The following SCMH1 variants were observed in gnomAD, a reference collection of about 807,000 sequenced individuals.
The protein encoded by SCMH1 is Scm polycomb group protein homolog 1.
A neutral mutation model predicts 70.8 loss-of-function variants in SCMH1; 37 were observed. The observed-to-expected ratio is 0.52, with a 90% CI of 0.40 to 0.69. The LOEUF (loss-of-function observed/expected upper bound fraction) is 0.69, where lower values mean the gene tolerates loss of function less well. Among genes scored for constraint, SCMH1 ranks in the 30% least tolerant of loss-of-function variants. The probability of loss-of-function intolerance (pLI) is 0.00; values close to 1 mark genes in which losing one functional copy is unlikely to be tolerated. For synonymous variants in SCMH1, 292 were observed against 307.4 expected, an observed-to-expected ratio of 0.95 and a Z score of 0.52; for missense variants, 607 against 827.3, an observed-to-expected ratio of 0.73 and a Z score of 3.27.
chr1:41,031,933 C>T (rs1292032050), intron 13 of SCMH1, among the ~76,000 whole-genome samples: 1 of 152,180 alleles, frequency 6.6e-6, no homozygotes, highest in Non-Finnish European at 1.5e-5. Flanking sequence ...TCCCTACCCA[C>T]ATGATAATAT....
chr1:41,101,874 T>C (rs1196495841), intron 8 of SCMH1, among the ~76,000 whole-genome samples: 3 of 152,240 alleles, frequency 2.0e-5, no homozygotes, highest in Non-Finnish European at 4.4e-5. Context: ...GAGTTGAACC[T>C]AGATCTTTTG....
chr1:41,115,717 G>T (rs1000872392), intron 7 of SCMH1, among the ~76,000 whole-genome samples: 1 of 152,174 alleles, frequency 6.6e-6, no homozygotes, highest in Admixed American at 6.5e-5. Flanking sequence ...AAAGTCTTGC[G>T]TGATTTCCGT....
chr1:41,034,017 AT>A (rs1339680242), intron 13 of SCMH1: 4 of 1,613,630 alleles, frequency 2.5e-6, no homozygotes, highest in Non-Finnish European at 3.4e-6. Context: ...ATGATTCCAT[AT>A]CCCTTCTTTC....
intron 2 of SCMH1, among the ~76,000 whole-genome samples, chr1:41,176,515 G>A (rs1414983906): frequency 1.3e-5 from 2 of 152,220 alleles, no homozygotes; most frequent in African/African-American, 4.8e-5. Flanking sequence ...AGAAAGGGGT[G>A]ACAGACGGCA....
intron 8 of SCMH1, among the ~76,000 whole-genome samples, chr1:41,086,547 C>T (rs1027288093): frequency 6.7e-5 from 10 of 148,240 alleles, no homozygotes; most frequent in Admixed American, 3.6e-4. Flanking sequence ...AAACCTTTCC[C>T]CACTGCCCCT....
At chr1:41,151,561 C>G (rs1396544259) in intron 5 of SCMH1, 53 bp downstream of exon 5, 1 of 1,445,888 alleles carries the variant, frequency 6.9e-7, no homozygotes, top group Non-Finnish European at 9.6e-7. Flanking sequence ...TGTCTAAAAA[C>G]CATAAAAAAA....
In SCMH1 at chr1:41,098,424, T is replaced by C. The variant is rs569696391; in HGVS notation, c.745+14859A>G. ...GCTTAATATGTGCCAGGTGTTCTAA[T>C]ATGTAAATTCTTAACTCCTTACAAC... On this transcript the variant is annotated intron_variant, in intron 8 of 14. Transcript: ENST00000337495. Among the ~76,000 whole-genome samples the C allele has an allele frequency of 4.6e-5, 7 of 152,344 alleles. No individual in the cohort carries two copies. The South Asian group carries it at 1.4e-3, about 32-fold the overall frequency.
intron 1 of SCMH1, among the ~76,000 whole-genome samples, chr1:41,210,879 G>A (rs1017670835): frequency 2.6e-5 from 4 of 151,070 alleles, no homozygotes; most frequent in Middle Eastern, 3.2e-3. Context: ...GCATGATCTC[G>A]ACTCACTGCA....
intron 2 of SCMH1, among the ~76,000 whole-genome samples, chr1:41,181,440 A>G (rs1263773263): frequency 2.0e-5 from 3 of 152,208 alleles, no homozygotes; most frequent in Non-Finnish European, 2.9e-5. Context: ...AATTTTTGCA[A>G]TCTACTCATC....
chr1:41,213,204 G>A (rs1657410985), intron 1 of SCMH1, among the ~76,000 whole-genome samples: 2 of 152,128 alleles, frequency 1.3e-5, no homozygotes, highest in African/African-American at 4.8e-5. Context: ...ACCTTTTACA[G>A]AAAAGTCCCA....
At chr1:41,183,612 A>T (rs1162055218) in intron 2 of SCMH1, among the ~76,000 whole-genome samples, 3 of 152,172 alleles carry the variant, frequency 2.0e-5, no homozygotes, top group Non-Finnish European at 4.4e-5. Context: ...TCTTAAGCCA[A>T]TCAGTATTCC....
intron 8 of SCMH1, among the ~76,000 whole-genome samples, chr1:41,092,314 G>C (rs1489544188): frequency 6.6e-6 from 1 of 152,126 alleles, no homozygotes. Flanking sequence ...AAAACTGGCT[G>C]GCCATATGTA....
At chr1:41,128,757 A>C (rs1056575863) in intron 6 of SCMH1, among the ~76,000 whole-genome samples, 8 of 152,078 alleles carry the variant, frequency 5.3e-5, no homozygotes, top group Admixed American at 2.0e-4. Flanking sequence ...TGTGCTCCTT[A>C]TCTCTCCTTC....
intron 2 of SCMH1, among the ~76,000 whole-genome samples, chr1:41,180,654 C>T (rs1483363974): frequency 6.6e-6 from 1 of 152,106 alleles, no homozygotes; most frequent in African/African-American, 2.4e-5. Context: ...CGTGAAGGAG[C>T]TCTTTAAGGA....
At chr1:41,125,641 T>C (rs888662405) in intron 6 of SCMH1, among the ~76,000 whole-genome samples, 1 of 151,622 alleles carries the variant, frequency 6.6e-6, no homozygotes, top group Non-Finnish European at 1.5e-5. Context: ...AGCATGATCA[T>C]GGCTCACTGC....
At chr1:41,081,707 T>C (rs1225787947) in intron 8 of SCMH1, among the ~76,000 whole-genome samples, 3 of 151,888 alleles carry the variant, frequency 2.0e-5, no homozygotes, top group African/African-American at 7.3e-5. Context: ...GTAGTCCCAG[T>C]GACTCTGGAG....
intron 2 of SCMH1, among the ~76,000 whole-genome samples, chr1:41,180,452 A>G (rs1648403469): frequency 6.6e-6 from 1 of 152,136 alleles, no homozygotes. Flanking sequence ...ACATGATTGT[A>G]TATCTAGAAA....
At chr1:41,207,752 A>C (rs1161004169) in intron 1 of SCMH1, among the ~76,000 whole-genome samples, 1 of 152,194 alleles carries the variant, frequency 6.6e-6, no homozygotes, top group Non-Finnish European at 1.5e-5. Context: ...TCAGCACCAC[A>C]TTGCACTTAT....
intron 2 of SCMH1, chr1:41,163,144 A>T (rs1424565220): frequency 6.6e-6 from 1 of 152,186 alleles, no homozygotes. Context: ...GCTTTTGGGG[A>T]CTACTGCATT....
Sources: gnomAD v4.1 joint callset for allele counts (sites outside exome capture counted in the v4.1 genomes callset) on GRCh38, gnomAD v4.1.1 for gene constraint, MANE v1.5 for transcripts, NCBI Gene and HGNC (gene_info 2026-07-23, HGNC 2026-07-21) for gene names.